The following ITPR1 variants were observed in gnomAD, a reference collection of about 807,000 sequenced individuals.
ITPR1 encodes the protein inositol 1,4,5-trisphosphate-gated calcium channel ITPR1.
In ITPR1, 96 loss-of-function variants were observed where a neutral mutation model predicts 318.4. The ratio of observed to expected loss-of-function variants is 0.30; its 90% CI spans 0.26 to 0.36. ITPR1 has a LOEUF of 0.36. Ranked by LOEUF, ITPR1 falls within the 10% of genes least tolerant of loss-of-function variation. The pLI is 1.00. For missense variants in ITPR1, 2,440 were observed against 3,460.2 expected, an observed-to-expected ratio of 0.71 and a Z score of 7.40; for synonymous variants, 1,312 against 1,289.9, an observed-to-expected ratio of 1.02 and a Z score of -0.37.
chr3:4,727,933 C>T (rs2042638953), intron 42 of ITPR1, among the ~76,000 whole-genome samples: 3 of 152,148 alleles, frequency 2.0e-5, no homozygotes, highest in Admixed American at 2.0e-4. Flanking sequence ...GCACATGTGC[C>T]AACAGACACA....
At chr3:4,625,058 C>A (rs1043502827) in intron 4 of ITPR1, among the ~76,000 whole-genome samples, 2 of 152,116 alleles carry the variant, frequency 1.3e-5, no homozygotes, top group African/African-American at 4.8e-5. Flanking sequence ...GAGTATCTTT[C>A]ATATGCAGTA....
At chr3:4,583,655 T>C (rs116346530) in intron 4 of ITPR1, among the ~76,000 whole-genome samples, 1 of 152,354 alleles carries the variant, frequency 6.6e-6, no homozygotes, top group Non-Finnish European at 1.5e-5. Flanking sequence ...CTTGCCTTAT[T>C]TGGTAAAGCT....
chr3:4,531,137 T>C (rs887942670), intron 4 of ITPR1, among the ~76,000 whole-genome samples: 16 of 152,124 alleles, frequency 1.1e-4, no homozygotes, highest in Non-Finnish European at 4.4e-5. Context: ...TATCTGGGAT[T>C]TGAACCTATG....
intron 20 of ITPR1, among the ~76,000 whole-genome samples, chr3:4,672,814 G>A (rs1227878622): frequency 1.3e-5 from 2 of 152,118 alleles, no homozygotes; most frequent in African/African-American, 2.4e-5. Flanking sequence ...TTAGGCCTTA[G>A]CATTCCCCCC....
intron 4 of ITPR1, among the ~76,000 whole-genome samples, chr3:4,564,098 T>C (rs9838462): frequency 0.8 from 121,628 of 151,982 alleles, 48,812 homozygotes; most frequent in Non-Finnish European, 0.83. Flanking sequence ...TGTGCCACCA[T>C]GCCCGGCTAA....
rs746477115 is a variant in ITPR1 at position 4,670,742 on chromosome 3, C to T, written c.2020C>T (p.Arg674Cys). The T allele has an allele frequency of 2.1e-5, 33 of 1,589,782 alleles. No homozygotes were observed. Among genetic ancestry groups the T allele is most frequent in the Non-Finnish European group, 2.6e-5 (30 of 1,166,860 alleles). The change falls in exon 20 of 62, where the codon CGT (arginine) becomes TGT (cysteine). Residue 674 changes from arginine to cysteine, a missense_variant. By Grantham distance (180) the Arg-to-Cys change is radical. Transcript: ENST00000649015. ...ILIETKLVLSRFEFEGVSSTG... is the reference protein window; with the variant it reads ...ILIETKLVLSCFEFEGVSSTG... The stretch of plus-strand genomic sequence containing the variant: ...CTTGTTTTCTAGGTTGGTTCTTTCT[C>T]GTTTTGAATTTGAAGGTGTCTCTTC...
chr3:4,736,360 C>T (rs1049135026), intron 44 of ITPR1, among the ~76,000 whole-genome samples: 6 of 152,236 alleles, frequency 3.9e-5, no homozygotes, highest in Admixed American at 2.6e-4. Context: ...GGCGTTTCTT[C>T]CTGTGAGTCA....
chr3:4,565,761 A>G (rs1247122503), intron 4 of ITPR1, among the ~76,000 whole-genome samples: 1 of 152,252 alleles, frequency 6.6e-6, no homozygotes, highest in Non-Finnish European at 1.5e-5. Context: ...ATTGATATTG[A>G]AACAGAATTA....
At chr3:4,511,929 A>T (rs765569609) in intron 2 of ITPR1, among the ~76,000 whole-genome samples, 11 of 152,220 alleles carry the variant, frequency 7.2e-5, no homozygotes, top group Non-Finnish European at 1.6e-4. Context: ...AGGGCAGATG[A>T]ATAGCAAAAG....
At chr3:4,697,455 C>CTTTTTTTTTTTTTTTTT (rs369934199) in intron 34 of ITPR1, among the ~76,000 whole-genome samples, 183 bp downstream of exon 34, 2 of 86,784 alleles carry the variant, frequency 2.3e-5, no homozygotes, top group Non-Finnish European at 5.0e-5. Flanking sequence ...TCCTTTCTTC[C>CTTTTTTTTTTTTTTTTT]TTTTTTTTTT....
intron 4 of ITPR1, among the ~76,000 whole-genome samples, chr3:4,611,560 A>G (rs2092121423): frequency 6.8e-6 from 1 of 148,050 alleles, no homozygotes; most frequent in Non-Finnish European, 1.5e-5. Context: ...ACTCTCTCTC[A>G]AAAATAAATA....
chr3:4,528,654 G>A (rs2083172896), intron 4 of ITPR1, among the ~76,000 whole-genome samples: 1 of 152,116 alleles, frequency 6.6e-6, no homozygotes, highest in African/African-American at 2.4e-5. Context: ...GCCTTTCATA[G>A]TAGGGGTATA....
At chr3:4,822,541 T>C (rs1329046567) in intron 60 of ITPR1, among the ~76,000 whole-genome samples, 1 of 152,224 alleles carries the variant, frequency 6.6e-6, no homozygotes, top group Non-Finnish European at 1.5e-5. Context: ...GTTCTATCCA[T>C]GTCTTTAGTG....
chr3:4,805,873 G>A (rs905149457), intron 54 of ITPR1, among the ~76,000 whole-genome samples: 6 of 152,148 alleles, frequency 3.9e-5, no homozygotes, highest in Non-Finnish European at 7.3e-5. Flanking sequence ...TTACTGTTGC[G>A]CATGAAGTTA....
chr3:4,679,477 G>A (rs1009137613), intron 24 of ITPR1, among the ~76,000 whole-genome samples: 2 of 152,194 alleles, frequency 1.3e-5, no homozygotes, highest in Admixed American at 6.5e-5. Flanking sequence ...AGAACCTGGA[G>A]CTCTGATGGG....
chr3:4,820,539 C>T lies in ITPR1; in HGVS notation c.8028+2297C>T, dbSNP rs1038287248. Among the ~76,000 whole-genome samples, 3 of 152,226 alleles carry T rather than the reference C, an allele frequency of 2.0e-5. No homozygotes were observed. In the East Asian group the frequency reaches 5.8e-4, roughly 29 times the overall value. On this transcript the variant is annotated intron_variant, in intron 60 of 61. Coordinates refer to ENST00000649015, the MANE Select transcript of ITPR1 (RefSeq NM_001378452.1). ...AGTGACCTGTAGCCCGCCACCCACC[C>T]AACCCGGTCAGAGCCTGCTGCGTGG...
rs2093649399 is a variant in ITPR1, at chr3:4,653,903, G to A, written c.996+17G>A. 2.5e-6 allele frequency: 4 copies of A among 1,584,338 alleles called. No individual in the cohort carries two copies. The highest frequency in any genetic ancestry group is 2.2e-5 in the East Asian group (1 of 44,634). On this transcript the variant is annotated intron_variant, in intron 12 of 61. Coordinates refer to ENST00000649015, the MANE Select transcript of ITPR1 (RefSeq NM_001378452.1). ...CAGCCCTCAGTAAGTATGGACAAGA[G>A]CCTTCTTGTCTTCATCTGGTAGGGT... is the stretch of plus-strand genomic sequence containing the variant.
chr3:4,580,169 C>G (rs1222274710), intron 4 of ITPR1, among the ~76,000 whole-genome samples: 1 of 152,036 alleles, frequency 6.6e-6, no homozygotes, highest in Non-Finnish European at 1.5e-5. Context: ...GAGATCATGC[C>G]ACTCCACTCC....
intron 4 of ITPR1, among the ~76,000 whole-genome samples, chr3:4,612,534 G>C (rs1355288951): frequency 3.3e-5 from 5 of 151,450 alleles, no homozygotes; most frequent in Admixed American, 2.0e-4. Flanking sequence ...CTGTCCCCCT[G>C]ATCATTTTGA....
Sources: allele counts gnomAD v4.1 joint callset (sites outside exome capture counted in the v4.1 genomes callset), GRCh38; gene constraint gnomAD v4.1.1; transcripts MANE v1.5; gene names NCBI Gene and HGNC (gene_info 2026-07-23, HGNC 2026-07-21).